Variants in SNPH observed in about 807,000 individuals in gnomAD.
The protein encoded by SNPH is syntaphilin.
Under a neutral mutation model 36.8 loss-of-function variants are expected in SNPH, and 10 were observed. The observed-to-expected ratio is 0.27, with a 90% CI of 0.17 to 0.46. The LOEUF (loss-of-function observed/expected upper bound fraction) is 0.46, where lower values mean the gene tolerates loss of function less well. Among genes scored for constraint, SNPH ranks in the 20% least tolerant of loss-of-function variants. SNPH has a pLI of 1.00. For synonymous variants in SNPH, 281 were observed against 312.2 expected, an observed-to-expected ratio of 0.90 and a Z score of 1.05; for missense variants, 622 against 744.0, an observed-to-expected ratio of 0.84 and a Z score of 1.91.
intron 2 of SNPH, among the ~76,000 whole-genome samples, chr20:1,283,304 C>G (rs7261624): frequency 0.31 from 46,397 of 152,094 alleles, 7,690 homozygotes; most frequent in East Asian, 0.51. Context: ...TGGCCCCACT[C>G]CTGATTTACT....
Position 1,296,330 on chromosome 20 carries a change from G to A in SNPH, c.91G>A (p.Gly31Arg), listed in dbSNP as rs376275699. 42 of 1,480,874 alleles carry A rather than the reference G, an allele frequency of 2.8e-5. No individual in the cohort carries two copies. Among genetic ancestry groups the A allele is most frequent in the African/African-American group, 7.1e-5 (5 of 70,384 alleles). The allele number at this position is 1,480,874 out of a possible 1,614,324, so 91.7% of individuals were successfully genotyped here. A position where few individuals can be genotyped will look rare whatever the true frequency, so the allele number is the denominator to read the frequency against. The change falls in exon 4 of 7, where the codon GGG (glycine) becomes AGG (arginine). Residue 31 changes from glycine (G) to arginine (R), a missense_variant. Physicochemically the swap from Gly to Arg is moderately radical, Grantham distance 125. Transcript: ENST00000381867. ...PPTRPLSSAPGIPPIPPLTRT... is the reference protein window; with the variant it reads ...PPTRPLSSAPRIPPIPPLTRT... ...AACCCGCCCTCTCTCCTCAGCCCCCGGGATACCGCCCATCCCACCCCTTAC... is the reference window on the plus strand; with the variant it reads ...AACCCGCCCTCTCTCCTCAGCCCCCAGGATACCGCCCATCCCACCCCTTAC...
chr20:1,303,574 C>T (rs886863302), intron 6 of SNPH, among the ~76,000 whole-genome samples: 3 of 152,182 alleles, frequency 2.0e-5, no homozygotes, highest in African/African-American at 7.2e-5. Flanking sequence ...CTGTTATTGG[C>T]ACTCTAAGCA....
intron 2 of SNPH, among the ~76,000 whole-genome samples, chr20:1,291,284 C>T (rs761846081): frequency 5.9e-5 from 9 of 152,184 alleles, no homozygotes; most frequent in East Asian, 1.9e-4. Flanking sequence ...AGTCGGATGG[C>T]GCCTCATGTG....
chr20:1,276,665 G>T lies in SNPH; in HGVS notation c.-493+9905G>T, dbSNP rs2088135178. ...CACAGTAGGTGCTTAATAAATGCCA[G>T]TACCCTTTCATCCGTGTTGTATAGG... On this transcript the variant is annotated intron_variant, in intron 2 of 6. Transcript: ENST00000381867. The surrounding 1 kb of genome is among the most constrained non-coding windows in gnomAD (Gnocchi z 4.6). 6.6e-6 allele frequency among the ~76,000 whole-genome samples: 1 copy of T among 152,196 alleles called. No individual in the cohort carries two copies. The highest frequency in any genetic ancestry group is 2.1e-4 in the South Asian group (1 of 4,830).
rs186844243 is a variant in SNPH at position 1,278,031 on chromosome 20, T to C, written c.-493+11271T>C. Reference sequence around the variant, plus strand: ...GTGTGTCAGTGTCTATGTATGTGTGTCTGTGTATGTGTGCCTGTGTGTGTG... The same window carrying C: ...GTGTGTCAGTGTCTATGTATGTGTGCCTGTGTATGTGTGCCTGTGTGTGTG... On this transcript the variant is annotated intron_variant, in intron 2 of 6. Coordinates refer to ENST00000381867, the MANE Select transcript of SNPH (RefSeq NM_001318234.2). 2.1e-3 allele frequency among the ~76,000 whole-genome samples: 296 copies of C among 138,152 alleles called. 2 individuals carry two copies. The highest frequency in any genetic ancestry group is 1.7e-3 in the Non-Finnish European group (107 of 64,200). 90.6% of individuals were successfully genotyped at this position (138,152 alleles called of 152,430 possible).
chr20:1,306,186 A>C lies in SNPH; in HGVS notation c.*132A>C. On this transcript the variant is annotated 3_prime_UTR_variant, in exon 7 of 7. Transcript: ENST00000381867. ...TGTGGAACTGTTTCTTTTTTTCAAGATGTTAAAACAGTCCCGTGGAAGGAG... is the reference window on the plus strand; with the variant it reads ...TGTGGAACTGTTTCTTTTTTTCAAGCTGTTAAAACAGTCCCGTGGAAGGAG... 1 of 785,426 alleles carries C rather than the reference A, an allele frequency of 1.3e-6. No homozygotes were observed. Among genetic ancestry groups the C allele is most frequent in the Admixed American group, 3.9e-5 (1 of 25,948 alleles). The allele number at this position is 785,426 out of a possible 1,614,324, so 48.7% of individuals were successfully genotyped here.
chr20:1,292,204 TAGG>T (rs2088370629), intron 2 of SNPH, among the ~76,000 whole-genome samples: 5 of 152,172 alleles, frequency 3.3e-5, no homozygotes, highest in Admixed American at 1.3e-4. Context: ...CAGTAAGTGA[TAGG>T]AGAAGTCACT....
intron 2 of SNPH, among the ~76,000 whole-genome samples, chr20:1,270,102 A>G (rs2088054953): frequency 6.6e-6 from 1 of 152,228 alleles, no homozygotes; most frequent in African/African-American, 2.4e-5. Flanking sequence ...ATCTGCATGC[A>G]TCTACTGGCT....
At chr20:1,282,505 A>G (rs1286350625) in intron 2 of SNPH, among the ~76,000 whole-genome samples, 1 of 152,244 alleles carries the variant, frequency 6.6e-6, no homozygotes, top group Non-Finnish European at 1.5e-5. Context: ...TTGCCCCCTA[A>G]AAATATCTGT....
rs2088002127 is a variant in SNPH, at chr20:1,266,300, A to AGCCCCG, written c.-694_-689dup. The AGCCCCG allele has an allele frequency of 1.3e-5, 2 of 159,972 alleles. No individual in the cohort carries two copies. The highest frequency in any genetic ancestry group is 4.0e-4 in the South Asian group (2 of 5,028). 9.9% of individuals were successfully genotyped at this position (159,972 alleles called of 1,614,324 possible). On this transcript the variant is annotated 5_prime_UTR_variant, in exon 1 of 7. Coordinates refer to ENST00000381867, the MANE Select transcript of SNPH (RefSeq NM_001318234.2). This position sits in a 1 kb window ranked among gnomAD's most constrained non-coding sequence, Gnocchi z 6.0. Reference sequence around the variant, plus strand: ...CCCGCCCCTCCCTCCCGGCAGCCCCAGCCCCGGCGAGCACCCAGCTAGCCG... The same window carrying AGCCCCG: ...CCCGCCCCTCCCTCCCGGCAGCCCCAGCCCCGGCCCCGGCGAGCACCCAGCTAGCCG...
At chr20:1,267,315 C>T (rs1186579340) in intron 2 of SNPH, among the ~76,000 whole-genome samples, 2 of 152,174 alleles carry the variant, frequency 1.3e-5, no homozygotes, top group Non-Finnish European at 1.5e-5. Flanking sequence ...TTCCACTCCC[C>T]AGCCGGGATC....
chr20:1,278,981 T>C (rs1212779457), intron 2 of SNPH, among the ~76,000 whole-genome samples: 1 of 152,264 alleles, frequency 6.6e-6, no homozygotes, highest in Non-Finnish European at 1.5e-5. Context: ...GATGGACATC[T>C]AGTTTTTTCC....
At chr20:1,293,810 CAAG>C (rs983317703) in intron 2 of SNPH, among the ~76,000 whole-genome samples, 1 of 152,170 alleles carries the variant, frequency 6.6e-6, no homozygotes, top group African/African-American at 2.4e-5. Context: ...AGAGGGAACT[CAAG>C]AGGAGGCAGG....
chr20:1,275,912 G>T (rs2088125779), intron 2 of SNPH, among the ~76,000 whole-genome samples: 1 of 152,170 alleles, frequency 6.6e-6, no homozygotes, highest in South Asian at 2.1e-4. Flanking sequence ...TCCTCTGCCT[G>T]AAATTTTCTT....
intron 2 of SNPH, among the ~76,000 whole-genome samples, chr20:1,279,223 A>T (rs2088186925): frequency 6.6e-6 from 1 of 152,220 alleles, no homozygotes; most frequent in African/African-American, 2.4e-5. Context: ...CCTCATCAGT[A>T]CATGGTATGG....
Position 1,307,500 on chromosome 20 carries a change from C to G in SNPH, c.*1446C>G, listed in dbSNP as rs1334198758. The G allele has an allele frequency of 6.6e-6, 1 of 152,352 alleles. No homozygotes were observed. Among genetic ancestry groups the G allele is most frequent in the African/African-American group, 2.4e-5 (1 of 41,480 alleles). 9.4% of individuals were successfully genotyped at this position (152,352 alleles called of 1,614,324 possible). A position where few individuals can be genotyped will look rare whatever the true frequency, so the allele number is the denominator to read the frequency against. ...TACACCCATCTGGTTGTCCCACCCACTCTTCAGAGGCTAGGCCCCACCTCT... is the reference window on the plus strand; with the variant it reads ...TACACCCATCTGGTTGTCCCACCCAGTCTTCAGAGGCTAGGCCCCACCTCT... On this transcript the variant is annotated 3_prime_UTR_variant, in exon 7 of 7. Transcript: ENST00000381867.
At position 1,306,074 on chromosome 20, in the gene SNPH, G is replaced by C; in HGVS notation, c.*20G>C. The C allele has an allele frequency of 7.0e-7, 1 of 1,425,460 alleles. No individual in the cohort carries two copies. Among genetic ancestry groups the C allele is most frequent in the South Asian group, 1.5e-5 (1 of 67,088 alleles). 88.3% of individuals were successfully genotyped at this position (1,425,460 alleles called of 1,614,324 possible). A position where few individuals can be genotyped will look rare whatever the true frequency, so the allele number is the denominator to read the frequency against. On this transcript the variant is annotated 3_prime_UTR_variant, in exon 7 of 7. Coordinates refer to ENST00000381867, the MANE Select transcript of SNPH (RefSeq NM_001318234.2). ...CTCTGAGGGGGCCCATTCTGGCAGCGGCGCCTGCGGCCTGACCACTGATTG... is the reference window on the plus strand; with the variant it reads ...CTCTGAGGGGGCCCATTCTGGCAGCCGCGCCTGCGGCCTGACCACTGATTG...
At chr20:1,289,933 G>T (rs553996528) in intron 2 of SNPH, among the ~76,000 whole-genome samples, 4 of 152,172 alleles carry the variant, frequency 2.6e-5, no homozygotes, top group African/African-American at 9.6e-5. Context: ...GCCAGATGCA[G>T]TGGCTCACAC....
At chr20:1,283,473 A>G (rs1051041202) in intron 2 of SNPH, among the ~76,000 whole-genome samples, 1 of 152,256 alleles carries the variant, frequency 6.6e-6, no homozygotes. Flanking sequence ...AAGAACTCTG[A>G]CAGAAAGGAG....
Sources: gnomAD v4.1 joint callset for allele counts (sites outside exome capture counted in the v4.1 genomes callset) on GRCh38, gnomAD v4.1.1 for gene constraint, Gnocchi (gnomAD v3.1) non-coding constraint, MANE v1.5 for transcripts, NCBI Gene and HGNC (gene_info 2026-07-23, HGNC 2026-07-21) for gene names.